MSRB3: variants seen among roughly 807,000 people sequenced by gnomAD.
MSRB3 encodes the protein methionine-R-sulfoxide reductase B3.
A neutral mutation model predicts 21.0 loss-of-function variants in MSRB3; 13 were observed. The observed-to-expected ratio is 0.62, with a 90% CI of 0.40 to 0.98. The LOEUF (loss-of-function observed/expected upper bound fraction) is 0.98. MSRB3 is among the 50% of genes least tolerant of loss of function. The pLI, the probability that MSRB3 is intolerant of heterozygous loss-of-function variation, is 0.00. For missense variants in MSRB3, 199 were observed against 230.3 expected (o/e 0.86, Z 0.88); for synonymous variants, 87 against 88.6 (o/e 0.98, Z 0.10).
At chr12:65,281,319 A>G (rs532574495) in intron 1 of MSRB3, among the ~76,000 whole-genome samples, 1 of 152,320 alleles carries the variant, frequency 6.6e-6, no homozygotes, top group Admixed American at 6.5e-5. Context: ...CGGTAAAATT[A>G]TTAAGTTGGA....
At chr12:65,281,309 C>T (rs187791799) in intron 1 of MSRB3, among the ~76,000 whole-genome samples, 3 of 152,096 alleles carry the variant, frequency 2.0e-5, no homozygotes, top group Non-Finnish European at 4.4e-5. Flanking sequence ...TTTAGCTTCT[C>T]GGTAAAATTA....
intron 5 of MSRB3, among the ~76,000 whole-genome samples, chr12:65,446,739 A>T (rs35737049): frequency 0.51 from 78,031 of 151,586 alleles, 20,901 homozygotes; most frequent in Non-Finnish European, 0.61. Context: ...AAGAAAAAAA[A>T]AATGGGTGGA....
At chr12:65,332,252 T>C (rs1327141721) in intron 4 of MSRB3, among the ~76,000 whole-genome samples, 2 of 152,068 alleles carry the variant, frequency 1.3e-5, no homozygotes, top group African/African-American at 4.8e-5. Context: ...CTGTAGGTAA[T>C]TGGTTTTATG....
rs1592661148 is a variant in MSRB3 at position 65,463,643 on chromosome 12, G to C, written c.*321G>C. The C allele has an allele frequency of 8.6e-6, 3 of 350,174 alleles. No individual in the cohort carries two copies. The East Asian group carries it at 2.3e-4, about 26-fold the overall frequency. 21.7% of individuals were successfully genotyped at this position (350,174 alleles called of 1,614,324 possible). On this transcript the variant is annotated 3_prime_UTR_variant, in exon 7 of 7. Coordinates refer to ENST00000308259, the MANE Select transcript of MSRB3 (RefSeq NM_001031679.3). ...TTCCCCCTTTGATTCAGAAGCAGAG[G>C]GTTCATGGTCTTCAAACATGAAAAT...
intron 5 of MSRB3, among the ~76,000 whole-genome samples, chr12:65,411,772 T>C (rs1358195031): frequency 6.7e-6 from 1 of 148,920 alleles, no homozygotes; most frequent in Non-Finnish European, 1.5e-5. Flanking sequence ...TACTAAAATA[T>C]AATATGTGTA....
chr12:65,370,666 A>C (rs1878267795), intron 5 of MSRB3, among the ~76,000 whole-genome samples: 1 of 152,200 alleles, frequency 6.6e-6, no homozygotes, highest in Non-Finnish European at 1.5e-5. Flanking sequence ...ATTTATCATG[A>C]AAATAGTTAT....
At chr12:65,360,870 A>G (rs1371298486) in intron 4 of MSRB3, among the ~76,000 whole-genome samples, 1 of 152,160 alleles carries the variant, frequency 6.6e-6, no homozygotes, top group East Asian at 1.9e-4. Flanking sequence ...TTAAGAACAA[A>G]TAAGATTGCT....
intron 5 of MSRB3, among the ~76,000 whole-genome samples, chr12:65,429,834 A>G (rs1382584908): frequency 6.6e-6 from 1 of 152,108 alleles, no homozygotes; most frequent in Non-Finnish European, 1.5e-5. Flanking sequence ...GTTCATACAG[A>G]CCTCTAAGTA....
At chr12:65,294,462 G>A (rs1341743695) in intron 1 of MSRB3, among the ~76,000 whole-genome samples, 1 of 152,180 alleles carries the variant, frequency 6.6e-6, no homozygotes, top group Non-Finnish European at 1.5e-5. Context: ...TGCTGATGTA[G>A]GTTTTCCCCT....
At chr12:65,430,715 T>C (rs1259540909) in intron 5 of MSRB3, among the ~76,000 whole-genome samples, 2 of 152,138 alleles carry the variant, frequency 1.3e-5, no homozygotes, top group Admixed American at 1.3e-4. Context: ...TCAATTCTTA[T>C]AGCTTCTTTC....
chr12:65,435,870 C>T (rs1882092003), intron 5 of MSRB3, among the ~76,000 whole-genome samples: 2 of 151,810 alleles, frequency 1.3e-5, no homozygotes, highest in Non-Finnish European at 2.9e-5. Context: ...TAATTTTTTT[C>T]TAGGGAGAGT....
At chr12:65,376,673 C>T (rs1432356088) in intron 5 of MSRB3, among the ~76,000 whole-genome samples, 1 of 151,924 alleles carries the variant, frequency 6.6e-6, no homozygotes, top group Non-Finnish European at 1.5e-5. Context: ...CACACAGGGG[C>T]CCGTCAGGGG....
At chr12:65,376,954 C>G (rs1217008960) in intron 5 of MSRB3, among the ~76,000 whole-genome samples, 3 of 152,218 alleles carry the variant, frequency 2.0e-5, no homozygotes, top group African/African-American at 7.2e-5. Flanking sequence ...TCCCTCATAT[C>G]TCATAGCTTT....
intron 5 of MSRB3, among the ~76,000 whole-genome samples, chr12:65,416,752 A>G (rs1401991076): frequency 6.6e-6 from 1 of 152,224 alleles, no homozygotes; most frequent in African/African-American, 2.4e-5. Context: ...ACCATCATAT[A>G]TGCAGTCCAT....
chr12:65,392,828 C>T (rs1035439497), intron 5 of MSRB3, among the ~76,000 whole-genome samples: 3 of 152,138 alleles, frequency 2.0e-5, no homozygotes, highest in Non-Finnish European at 4.4e-5. Context: ...TGCTCTGGAA[C>T]GAATTGTAGT....
chr12:65,329,542 C>T (rs1249076689), intron 4 of MSRB3, among the ~76,000 whole-genome samples: 6 of 151,396 alleles, frequency 4.0e-5, no homozygotes, highest in South Asian at 2.1e-4. Flanking sequence ...CCCAGCTACT[C>T]GGGAGGCTGA....
At chr12:65,455,680 C>G (rs559925757) in intron 6 of MSRB3, among the ~76,000 whole-genome samples, 24 of 152,120 alleles carry the variant, frequency 1.6e-4, no homozygotes, top group Non-Finnish European at 2.8e-4. Context: ...TGAAAAGAGT[C>G]ATTAAAATTT....
intron 1 of MSRB3, chr12:65,305,124 A>C (rs1282360970): frequency 6.7e-6 from 1 of 149,680 alleles, no homozygotes; most frequent in Non-Finnish European, 1.5e-5. Context: ...GCTGGAGTGC[A>C]GTACGCAATC....
chr12:65,333,339 A>T (rs533249425), intron 4 of MSRB3, among the ~76,000 whole-genome samples: 1 of 152,246 alleles, frequency 6.6e-6, no homozygotes, highest in Non-Finnish European at 1.5e-5. Context: ...ATAGGAAGGA[A>T]TATGACTACA....
Sources: allele counts gnomAD v4.1 joint callset (sites outside exome capture counted in the v4.1 genomes callset), GRCh38; gene constraint gnomAD v4.1.1; transcripts MANE v1.5; gene names NCBI Gene and HGNC (gene_info 2026-07-23, HGNC 2026-07-21).